ALK: variants seen among roughly 807,000 people sequenced by gnomAD.
ALK encodes ALK receptor tyrosine kinase, also known as ALK tyrosine kinase receptor.
Under a neutral mutation model 163.1 loss-of-function variants are expected in ALK, and 74 were observed. The ratio of observed to expected loss-of-function variants is 0.45; its 90% confidence interval spans 0.38 to 0.55. The LOEUF (loss-of-function observed/expected upper bound fraction) is 0.55, where lower values mean the gene tolerates loss of function less well. Among genes scored for constraint, ALK ranks in the 20% least tolerant of loss-of-function variants. The pLI, the probability that ALK is intolerant of heterozygous loss-of-function variation, is 0.00. For missense variants in ALK, 2,063 were observed against 2,105.3 expected (o/e 0.98, Z 0.39); for synonymous variants, 960 against 843.2 (o/e 1.14, Z -2.40).
At chr2:29,661,284 C>CA (rs1388585959) in intron 3 of ALK, among the ~76,000 whole-genome samples, 1 of 152,144 alleles carries the variant, frequency 6.6e-6, no homozygotes, top group Non-Finnish European at 1.5e-5. Flanking sequence ...TCCAGTGCAT[C>CA]ATGCTAACCC....
At chr2:29,858,400 G>A (rs573401021) in intron 1 of ALK, among the ~76,000 whole-genome samples, 2 of 151,910 alleles carry the variant, frequency 1.3e-5, no homozygotes, top group African/African-American at 2.4e-5. Flanking sequence ...CCCCCCTCTC[G>A]CACAGCATCT....
intron 4 of ALK, among the ~76,000 whole-genome samples, chr2:29,491,850 G>A (rs923067705): frequency 1.3e-5 from 2 of 152,144 alleles, no homozygotes; most frequent in Non-Finnish European, 2.9e-5. Flanking sequence ...AACATACCAG[G>A]CCTTCTCTTC....
chr2:29,688,871 G>A (rs909930389), intron 3 of ALK, among the ~76,000 whole-genome samples: 1 of 152,132 alleles, frequency 6.6e-6, no homozygotes, highest in African/African-American at 2.4e-5. Flanking sequence ...TCCCATTAAC[G>A]AGATGAACTT....
intron 4 of ALK, among the ~76,000 whole-genome samples, chr2:29,390,333 C>G (rs917420412): frequency 6.6e-6 from 1 of 152,096 alleles, no homozygotes; most frequent in African/African-American, 2.4e-5. Flanking sequence ...TCGACAATGA[C>G]AAAAGCCACA....
chr2:29,296,953 G>C lies in ALK; in HGVS notation c.1752C>G (p.Val584=). The change falls in exon 9 of 29, where the codon GTC becomes GTG. Residue 584 remains valine (V), a synonymous_variant. Transcript: ENST00000389048. The stretch of plus-strand genomic sequence containing the variant: ...ACAGGCTCAAGCCTTCATAGGCGGC[G>C]ACATGCCAGACCATCCTGCCTTGCT... The part of the protein sequence containing the change: ...GKEQGRMVWH[V]AAYEGLSLWQ... 6.2e-7 allele frequency: 1 copy of C among 1,614,192 alleles called. No individual in the cohort carries two copies. Among genetic ancestry groups the C allele is most frequent in the Non-Finnish European group, 8.5e-7 (1 of 1,180,016 alleles).
intron 1 of ALK, among the ~76,000 whole-genome samples, chr2:29,780,370 C>G (rs1363721929): frequency 6.6e-6 from 1 of 152,200 alleles, no homozygotes; most frequent in Admixed American, 6.5e-5. Flanking sequence ...GAGCTCATTG[C>G]CAAGCCCTGA....
intron 5 of ALK, among the ~76,000 whole-genome samples, chr2:29,350,898 T>A (rs1370654440): frequency 1.3e-5 from 2 of 152,220 alleles, no homozygotes; most frequent in African/African-American, 2.4e-5. Context: ...TCTCCCAAAC[T>A]GTTTTCTGCA....
chr2:29,216,506 T>C (rs1669610657), intron 23 of ALK, among the ~76,000 whole-genome samples: 1 of 152,164 alleles, frequency 6.6e-6, no homozygotes, highest in Non-Finnish European at 1.5e-5. Context: ...TAGGCTGTTA[T>C]GGCCCCCTGT....
intron 5 of ALK, among the ~76,000 whole-genome samples, chr2:29,367,182 T>G (rs1275788164): frequency 1.3e-5 from 2 of 152,030 alleles, no homozygotes; most frequent in African/African-American, 4.8e-5. Flanking sequence ...TGCTGGAGGG[T>G]GACTGAGCAA....
chr2:29,358,963 A>G (rs1668321838), intron 5 of ALK, among the ~76,000 whole-genome samples: 5 of 152,212 alleles, frequency 3.3e-5, no homozygotes, highest in Admixed American at 2.6e-4. Context: ...TTCCACTAAG[A>G]GTTGTACAAT....
At chr2:29,232,736 A>T (rs1224604989) in intron 14 of ALK, among the ~76,000 whole-genome samples, 2 of 152,206 alleles carry the variant, frequency 1.3e-5, no homozygotes, top group Non-Finnish European at 2.9e-5. Context: ...TGCTTCCTCT[A>T]CTTCCTCTAG....
rs189412730 is a variant in ALK, at chr2:29,631,250, C to T, written c.952+63600G>A. ...TGATTTGGGCCCCTAGGCTATATCT[C>T]ATGATGAGGGTGATGCAGATGAAGT... On this transcript the variant is annotated intron_variant, in intron 3 of 28. Transcript: ENST00000389048. Among the ~76,000 whole-genome samples the T allele has an allele frequency of 1.0e-3, 158 of 152,304 alleles. 1 individual carries two copies. Among genetic ancestry groups the T allele is most frequent in the Admixed American group, 9.2e-3 (140 of 15,300 alleles).
At chr2:29,827,105 A>G (rs1665224437) in intron 1 of ALK, among the ~76,000 whole-genome samples, 3 of 152,244 alleles carry the variant, frequency 2.0e-5, no homozygotes, top group South Asian at 4.1e-4. Flanking sequence ...TTGATGGGTA[A>G]CTATTGCTAG....
chr2:29,548,828 G>T (rs75449397), intron 3 of ALK, among the ~76,000 whole-genome samples: 1 of 151,974 alleles, frequency 6.6e-6, no homozygotes, highest in South Asian at 2.1e-4. Context: ...ATTTACCTTG[G>T]GGGGGATGTT....
At chr2:29,904,897 CTCTG>C (rs2148433318) in intron 1 of ALK, among the ~76,000 whole-genome samples, 1 of 152,328 alleles carries the variant, frequency 6.6e-6, no homozygotes, top group South Asian at 2.1e-4. Context: ...GAGAATTACA[CTCTG>C]TCTGGGGGAT....
intron 1 of ALK, among the ~76,000 whole-genome samples, chr2:29,802,262 C>T (rs1290729732): frequency 1.4e-5 from 2 of 146,846 alleles, no homozygotes; most frequent in Non-Finnish European, 3.0e-5. Flanking sequence ...CATGGTCTTG[C>T]TTATCAAGAG....
chr2:29,510,508 A>G (rs6705644), intron 4 of ALK, among the ~76,000 whole-genome samples: 57,412 of 152,094 alleles, frequency 0.38, 11,820 homozygotes, highest in South Asian at 0.56. Context: ...CCTTAGTTTT[A>G]TTTGCTGTAA....
rs1665569396 is a variant in ALK at position 29,836,640 on chromosome 2, CA to C, written c.667+83352del. On this transcript the variant is annotated intron_variant, in intron 1 of 28. Transcript: ENST00000389048. ...GGAAGAACTTCACTAATGGCTACTG[CA>C]GCAAATCAGAGCTTAGACCCCTAAT... Among the ~76,000 whole-genome samples the C allele has an allele frequency of 2.6e-5, 4 of 152,210 alleles. No homozygotes were observed. The South Asian group carries it at 8.3e-4, about 32-fold the overall frequency.
At chr2:29,701,870 G>A (rs2631964) in intron 2 of ALK, among the ~76,000 whole-genome samples, 129,855 of 152,112 alleles carry the variant, frequency 0.85, 55,591 homozygotes, top group African/African-American at 0.89. Flanking sequence ...ATAGGAAGGG[G>A]CTATGTGGTC....
Sources: gnomAD v4.1 joint callset for allele counts (sites outside exome capture counted in the v4.1 genomes callset) on GRCh38, gnomAD v4.1.1 for gene constraint, MANE v1.5 for transcripts, NCBI Gene and HGNC (gene_info 2026-07-23, HGNC 2026-07-21) for gene names.